CFAP57: variants seen among roughly 807,000 people sequenced by gnomAD.
CFAP57 encodes the protein cilia and flagella associated protein 57.
CFAP57 carries 116 observed loss-of-function variants against 146.8 expected under a neutral mutation model. That is an observed-to-expected ratio of 0.79 (90% confidence interval 0.68 to 0.92). The LOEUF (loss-of-function observed/expected upper bound fraction) is 0.92. Among genes scored for constraint, CFAP57 ranks in the 40% least tolerant of loss-of-function variants. The pLI, the probability that CFAP57 is intolerant of heterozygous loss-of-function variation, is 0.00. For synonymous variants in CFAP57, 518 were observed against 552.8 expected (o/e 0.94, Z 0.88); for missense variants, 1,377 against 1,527.2 (o/e 0.90, Z 1.64).
chr1:43,249,421 C>CTTTTT (rs60189164), intron 22 of CFAP57, among the ~76,000 whole-genome samples: 14 of 67,904 alleles, frequency 2.1e-4, no homozygotes, highest in East Asian at 5.3e-4. Context: ...TTAACCATTT[C>CTTTTT]TTTTTTTTTT....
In CFAP57 at chr1:43,232,643, C is replaced by T; in HGVS notation, c.3126+19C>T. 6.7e-7 allele frequency: 1 copy of T among 1,496,934 alleles called. No homozygotes were observed. The highest frequency in any genetic ancestry group is 9.0e-7 in the Non-Finnish European group (1 of 1,109,960). 92.7% of individuals were successfully genotyped at this position (1,496,934 alleles called of 1,614,324 possible). A position where few individuals can be genotyped will look rare whatever the true frequency, so the allele number is the denominator to read the frequency against. ...ACAGAAGGTGTGAGGGTTTCAGAGT[C>T]TGGCAGTTCTTGGATTCGGGATCTG... On this transcript the variant is annotated intron_variant, in intron 19 of 22. Transcript: ENST00000372492.
At chr1:43,202,541 G>A (rs1157688265) in intron 9 of CFAP57, among the ~76,000 whole-genome samples, 3 of 152,102 alleles carry the variant, frequency 2.0e-5, no homozygotes, top group Non-Finnish European at 1.5e-5. Flanking sequence ...TCAGTACTTC[G>A]GGAGGCTGAG....
At chr1:43,174,880 C>G (rs1176947613) in intron 2 of CFAP57, among the ~76,000 whole-genome samples, 2 of 152,270 alleles carry the variant, frequency 1.3e-5, no homozygotes, top group Non-Finnish European at 2.9e-5. Context: ...TTTCTACAGA[C>G]AACATTAATT....
At chr1:43,216,346 T>C (rs611792) in intron 12 of CFAP57, among the ~76,000 whole-genome samples, 115,676 of 152,078 alleles carry the variant, frequency 0.76, 45,413 homozygotes, top group Middle Eastern at 0.9. Flanking sequence ...GGAGATCCCT[T>C]CCAGAGCTCC....
At chr1:43,235,012 T>TCC (rs1645632014) in intron 21 of CFAP57, among the ~76,000 whole-genome samples, 1 of 152,066 alleles carries the variant, frequency 6.6e-6, no homozygotes, top group East Asian at 1.9e-4. Flanking sequence ...ATCCACATCA[T>TCC]CTTACCTCTC....
In CFAP57 at chr1:43,209,875, G is replaced by C; in HGVS notation, c.1888G>C (p.Glu630Gln). 6.2e-7 allele frequency: 1 copy of C among 1,614,236 alleles called. No individual in the cohort carries two copies. The highest frequency in any genetic ancestry group is 8.5e-7 in the Non-Finnish European group (1 of 1,180,050). ...GAAGTACCCTCTGCCTCTGCAGAAG[G>C]AATTCAATGAGTACCAGGCCCATGC... ...AMKYPLPLQK[E>Q]FNEYQAHAGP... Residue 630 changes from glutamate (E) to glutamine (Q), a missense_variant, in exon 11 of 23, where the codon GAA (glutamate) becomes CAA (glutamine). Transcript: ENST00000372492.
chr1:43,178,956 TA>T (rs1182134314), intron 2 of CFAP57, among the ~76,000 whole-genome samples: 4 of 152,046 alleles, frequency 2.6e-5, no homozygotes, highest in Admixed American at 2.0e-4. Context: ...TATGCAGCCA[TA>T]AAAAAGGATG....
At chr1:43,208,699 C>T (rs556935866) in intron 10 of CFAP57, among the ~76,000 whole-genome samples, 196 of 152,046 alleles carry the variant, frequency 1.3e-3, no homozygotes, top group Admixed American at 1.8e-3. Context: ...ATGTAAATGA[C>T]GAGTTAATGG....
Position 43,181,633 on chromosome 1 carries a change from T to C in CFAP57, c.257T>C (p.Ile86Thr), listed in dbSNP as rs1368022083. The change falls in exon 3 of 23, where the codon ATT (isoleucine) becomes ACT (threonine). Residue 86 changes from isoleucine to threonine, a missense_variant. Physicochemically the swap from Ile to Thr is moderately conservative, Grantham distance 89 (BLOSUM62 -1). Transcript: ENST00000372492. ...GTGCAAGAAAAACCTGCCATCACCA[T>C]TTATGAATTGTCATCCATCCCTTGC... is the stretch of plus-strand genomic sequence containing the variant. ...ETVQEKPAIT[I>T]YELSSIPCRK... The C allele has an allele frequency of 1.2e-6, 2 of 1,614,254 alleles. No homozygotes were observed. The highest frequency in any genetic ancestry group is 3.3e-5 in the Admixed American group (2 of 60,028).
chr1:43,176,385 T>C (rs1052887671), intron 2 of CFAP57, among the ~76,000 whole-genome samples: 3 of 152,210 alleles, frequency 2.0e-5, no homozygotes, highest in African/African-American at 7.2e-5. Context: ...TGACCAAGTC[T>C]AAGGGTATTA....
chr1:43,213,138 A>G (rs1644693506), intron 11 of CFAP57, among the ~76,000 whole-genome samples: 2 of 151,808 alleles, frequency 1.3e-5, no homozygotes, highest in Non-Finnish European at 1.5e-5. Flanking sequence ...CCCAGGCTTG[A>G]GTGCAATGGC....
intron 2 of CFAP57, among the ~76,000 whole-genome samples, chr1:43,179,142 C>T (rs769797668): frequency 1.0e-4 from 15 of 148,978 alleles, no homozygotes; most frequent in Admixed American, 3.3e-4. Context: ...TTGTGGGGTG[C>T]GGGGAGGGGG....
chr1:43,223,796 C>G (rs1645140741), intron 16 of CFAP57, among the ~76,000 whole-genome samples: 2 of 152,172 alleles, frequency 1.3e-5, no homozygotes, highest in Admixed American at 1.3e-4. Flanking sequence ...ACAGTCAGTC[C>G]TCTCATATGG....
At position 43,185,250 on chromosome 1, in the gene CFAP57, T is replaced by C. The variant is rs750661261; in HGVS notation, c.863T>C (p.Ile288Thr). 6.2e-6 allele frequency: 10 copies of C among 1,614,076 alleles called. No homozygotes were observed. The highest frequency in any genetic ancestry group is 3.3e-5 in the South Asian group (3 of 91,092). ...SQMSMPQVFA[I>T]AAYSKGFACS... Reference sequence around the variant, plus strand: ...ATGTCCATGCCCCAGGTGTTTGCCATTGCAGCCTATTCAAAGGGATTTGCC... The same window carrying C: ...ATGTCCATGCCCCAGGTGTTTGCCACTGCAGCCTATTCAAAGGGATTTGCC... The change falls in exon 5 of 23, where the codon ATT (isoleucine) becomes ACT (threonine). Residue 288 changes from isoleucine (I) to threonine (T), a missense_variant. Physicochemically the swap from Ile to Thr is moderately conservative, Grantham distance 89 (BLOSUM62 -1). Transcript: ENST00000372492.
intron 9 of CFAP57, among the ~76,000 whole-genome samples, chr1:43,203,362 T>C (rs1397951840): frequency 1.3e-5 from 2 of 152,070 alleles, no homozygotes; most frequent in Non-Finnish European, 2.9e-5. Flanking sequence ...TTTCCAGTTA[T>C]GTTCTATGAG....
chr1:43,197,779 TTTAA>T, intron 7 of CFAP57, 87 bp downstream of exon 7: 1 of 1,552,216 alleles, frequency 6.4e-7, no homozygotes, highest in Non-Finnish European at 8.9e-7. Context: ...TGTTCCAAAC[TTTAA>T]TTATTTAGAA....
chr1:43,211,794 C>T (rs188127751), intron 11 of CFAP57, among the ~76,000 whole-genome samples: 77 of 100,624 alleles, frequency 7.7e-4, no homozygotes, highest in African/African-American at 2.3e-3. Context: ...ATATCCTATC[C>T]TATGATGGAC....
chr1:43,211,736 C>G (rs1390642819), intron 11 of CFAP57, among the ~76,000 whole-genome samples: 1 of 152,166 alleles, frequency 6.6e-6, no homozygotes, highest in Admixed American at 6.5e-5. Flanking sequence ...AAGCGTTTGT[C>G]CATACAATTA....
intron 9 of CFAP57, among the ~76,000 whole-genome samples, chr1:43,200,561 A>G (rs1335697520): frequency 6.6e-6 from 1 of 152,130 alleles, no homozygotes; most frequent in Non-Finnish European, 1.5e-5. Flanking sequence ...GTCCTAGAGT[A>G]GTAGATTAGA....
Sources: allele counts gnomAD v4.1 joint callset (sites outside exome capture counted in the v4.1 genomes callset), GRCh38; gene constraint gnomAD v4.1.1; transcripts MANE v1.5; gene names NCBI Gene and HGNC (gene_info 2026-07-23, HGNC 2026-07-21).